Variants in SMU1 observed in about 807,000 individuals in gnomAD.
SMU1 encodes the protein WD40 repeat-containing protein SMU1.
SMU1 carries 2 observed loss-of-function variants against 62.0 expected under a neutral mutation model. The observed-to-expected ratio is 0.03, with a 90% CI of 0.01 to 0.10. SMU1 has a LOEUF of 0.10. Among genes scored for constraint, SMU1 ranks in the 10% least tolerant of loss-of-function variants. SMU1 has a pLI of 1.00. For synonymous variants in SMU1, 188 were observed against 212.4 expected (o/e 0.89, Z 1.00); for missense variants, 227 against 622.1 (o/e 0.36, Z 6.76).
Position 33,043,992 on chromosome 9 carries a change from T to TAAAA in SMU1, c.*3297_*3300dup, listed in dbSNP as rs141620295. The TAAAA allele has an allele frequency of 8.5e-6, 1 of 118,110 alleles. No individual in the cohort carries two copies. The highest frequency in any genetic ancestry group is 2.7e-4 in the East Asian group (1 of 3,682). The allele number at this position is 118,110 out of a possible 1,614,324, so 7.3% of individuals were successfully genotyped here. On this transcript the variant is annotated 3_prime_UTR_variant, in exon 12 of 12. Coordinates refer to ENST00000397149, the MANE Select transcript of SMU1 (RefSeq NM_018225.3). ...ACCTGAGATTTATACCATTTGCTGTTAAAAAAAAAAAAAAAAAAAAAGCCA... is the reference window on the plus strand; with the variant it reads ...ACCTGAGATTTATACCATTTGCTGTTAAAAAAAAAAAAAAAAAAAAAAAAAGCCA...
intron 10 of SMU1, among the ~76,000 whole-genome samples, chr9:33,049,323 G>T (rs986049391): frequency 1.3e-5 from 2 of 152,152 alleles, no homozygotes; most frequent in Non-Finnish European, 2.9e-5. Context: ...AGTAGCAAAA[G>T]CAATATAATA....
Position 33,046,841 on chromosome 9 carries a change from C to G in SMU1, c.*452G>C, listed in dbSNP as rs1428631170. 6.5e-6 allele frequency: 1 copy of G among 153,878 alleles called. No homozygotes were observed. Among genetic ancestry groups the G allele is most frequent in the Non-Finnish European group, 1.4e-5 (1 of 69,852 alleles). The allele number at this position is 153,878 out of a possible 1,614,324, so 9.5% of individuals were successfully genotyped here. ...CCTGGGAGGCGGAGGTTGCAGTGAA[C>G]CAAGATCGTGCCGCTGCACTCCAGC... On this transcript the variant is annotated 3_prime_UTR_variant, in exon 12 of 12. Coordinates refer to ENST00000397149, the MANE Select transcript of SMU1 (RefSeq NM_018225.3).
intron 3 of SMU1, 77 bp downstream of exon 3, chr9:33,071,663 T>TAAA (rs111931372): frequency 3.4e-5 from 39 of 1,159,970 alleles, no homozygotes; most frequent in Admixed American, 9.1e-5. Flanking sequence ...AATAAAATGG[T>TAAA]AAAAAAAAAA....
chr9:33,070,068 T>C (rs937440475), intron 3 of SMU1, among the ~76,000 whole-genome samples: 1 of 152,046 alleles, frequency 6.6e-6, no homozygotes, highest in African/African-American at 2.4e-5. Flanking sequence ...GAGGCTGCAG[T>C]GAGCCGAGAT....
rs1839166508 is a variant in SMU1, at chr9:33,044,859, C to T, written c.*2434G>A. The stretch of plus-strand genomic sequence containing the variant: ...CAGCACATACCTTGCCGCTGTGCCA[C>T]ACTGGAGTCCCCGGTTAGGTTCCCT... On this transcript the variant is annotated 3_prime_UTR_variant, in exon 12 of 12. Transcript: ENST00000397149. 2 of 152,296 alleles carry T rather than the reference C, an allele frequency of 1.3e-5. No homozygotes were observed. Among genetic ancestry groups the T allele is most frequent in the African/African-American group, 4.8e-5 (2 of 41,452 alleles). 9.4% of individuals were successfully genotyped at this position (152,296 alleles called of 1,614,324 possible). A position where few individuals can be genotyped will look rare whatever the true frequency, so the allele number is the denominator to read the frequency against.
intron 2 of SMU1, 83 bp downstream of exon 2, chr9:33,073,513 G>A: frequency 5.4e-6 from 5 of 925,076 alleles, no homozygotes; most frequent in Non-Finnish European, 3.4e-6. Flanking sequence ...CGTGCTTGAA[G>A]GAATGCTCAC....
At chr9:33,047,529 G>A in intron 11 of SMU1, 138 bp from the exon 12 acceptor site, 1 of 603,010 alleles carries the variant, frequency 1.7e-6, no homozygotes, top group Non-Finnish European at 2.9e-6. Flanking sequence ...AAAGATGGAG[G>A]AGGGTTTTCC....
intron 6 of SMU1, 85 bp from the exon 7 acceptor site, chr9:33,057,799 T>C: frequency 6.4e-7 from 1 of 1,566,798 alleles, no homozygotes; most frequent in Non-Finnish European, 8.7e-7. Context: ...CCAGGGGCAA[T>C]GGATTGTACC....
chr9:33,070,651 T>C lies in SMU1; in HGVS notation c.390+1089A>G, dbSNP rs1042401490. Among the ~76,000 whole-genome samples, 3 of 152,052 alleles carry C rather than the reference T, an allele frequency of 2.0e-5. No individual in the cohort carries two copies. In the East Asian group the frequency reaches 5.8e-4, roughly 29 times the overall value. The stretch of plus-strand genomic sequence containing the variant: ...CGATAAGTGACCATTAACAGATAAA[T>C]AAAGAAAATGAGGTACATGTACACA... On this transcript the variant is annotated intron_variant, in intron 3 of 11. Transcript: ENST00000397149.
rs1444370878 is a variant in SMU1, at chr9:33,044,823, A to G, written c.*2470T>C. 2 of 152,180 alleles carry G rather than the reference A, an allele frequency of 1.3e-5. No individual in the cohort carries two copies. The highest frequency in any genetic ancestry group is 2.4e-5 in the African/African-American group (1 of 41,420). The allele number at this position is 152,180 out of a possible 1,614,324, so 9.4% of individuals were successfully genotyped here. On this transcript the variant is annotated 3_prime_UTR_variant, in exon 12 of 12. Transcript: ENST00000397149. ...CTTTGCCTGGTCTCCCAAGACACCT[A>G]TCATTTTGCCCAGCACATACCTTGC...
chr9:33,062,878 G>C (rs921176194), intron 4 of SMU1, among the ~76,000 whole-genome samples: 2 of 152,128 alleles, frequency 1.3e-5, no homozygotes, highest in South Asian at 4.1e-4. Flanking sequence ...TGATATATTT[G>C]ATATATACTG....
intron 4 of SMU1, among the ~76,000 whole-genome samples, chr9:33,065,148 T>C (rs1254483367): frequency 6.6e-6 from 1 of 152,198 alleles, no homozygotes; most frequent in Non-Finnish European, 1.5e-5. Flanking sequence ...AACCTCTAGG[T>C]TAAGGTCCAG....
chr9:33,064,787 G>A (rs1216625126), intron 4 of SMU1, among the ~76,000 whole-genome samples: 2 of 151,156 alleles, frequency 1.3e-5, no homozygotes, highest in Non-Finnish European at 2.9e-5. Flanking sequence ...CTGTCACCCA[G>A]GCTGGAGTGC....
At chr9:33,056,786 G>A (rs755494517) in intron 8 of SMU1, 51 bp downstream of exon 8, 10 of 1,585,966 alleles carry the variant, frequency 6.3e-6, no homozygotes, top group African/African-American at 1.4e-5. Flanking sequence ...CTCCCTCCAT[G>A]GCCTCATTAT....
intron 8 of SMU1, among the ~76,000 whole-genome samples, chr9:33,056,451 G>A (rs1453914533): frequency 6.6e-6 from 1 of 152,180 alleles, no homozygotes; most frequent in Non-Finnish European, 1.5e-5. Context: ...AAATATGCCA[G>A]TAATACCACA....
chr9:33,067,994 T>C (rs768226456), intron 4 of SMU1, among the ~76,000 whole-genome samples: 1 of 152,344 alleles, frequency 6.6e-6, no homozygotes, highest in African/African-American at 2.4e-5. Context: ...ACACTATTAG[T>C]AATTTTTTAA....
rs1487013536 is a variant in SMU1, at chr9:33,045,168, T to A, written c.*2125A>T. On this transcript the variant is annotated 3_prime_UTR_variant, in exon 12 of 12. Transcript: ENST00000397149. The stretch of plus-strand genomic sequence containing the variant: ...ACGGTGATACAAACTATGCACATCA[T>A]AACTACCAGCTTCATGAGGTCAAGA... 6.6e-6 allele frequency: 1 copy of A among 152,186 alleles called. No individual in the cohort carries two copies. Among genetic ancestry groups the A allele is most frequent in the African/African-American group, 2.4e-5 (1 of 41,442 alleles). The allele number at this position is 152,186 out of a possible 1,614,324, so 9.4% of individuals were successfully genotyped here.
Position 33,073,770 on chromosome 9 carries a change from G to C in SMU1, c.63C>G (p.Asn21Lys). 6.2e-7 allele frequency: 1 copy of C among 1,614,194 alleles called. No individual in the cohort carries two copies. The highest frequency in any genetic ancestry group is 1.1e-5 in the South Asian group (1 of 91,084). ...AGGTGGCTAACGCCCGATGTAAACTGTTCTCCTTCAAGTACTGCATAATAA... is the reference window on the plus strand; with the variant it reads ...AGGTGGCTAACGCCCGATGTAAACTCTTCTCCTTCAAGTACTGCATAATAA... ...IRLIMQYLKE[N>K]SLHRALATLQ... The change falls in exon 2 of 12, where the codon AAC becomes AAG. Residue 21 changes from asparagine to lysine, a missense_variant. Asn to Lys is a moderately conservative substitution (Grantham distance 94, BLOSUM62 0). Around this residue, in one of 5 missense-constraint regions of SMU1, gnomAD observed 99 missense variants for 270.3 expected, o/e 0.37. Transcript: ENST00000397149.
intron 4 of SMU1, among the ~76,000 whole-genome samples, chr9:33,068,003 A>T (rs1397244141): frequency 6.6e-6 from 1 of 152,184 alleles, no homozygotes; most frequent in Non-Finnish European, 1.5e-5. Context: ...GTAATTTTTT[A>T]AAAAATCATC....
Sources: gnomAD v4.1 joint callset for allele counts (sites outside exome capture counted in the v4.1 genomes callset) on GRCh38, gnomAD v4.1.1 for gene constraint, gnomAD v4.1.1 regional missense constraint, MANE v1.5 for transcripts, NCBI Gene and HGNC (gene_info 2026-07-23, HGNC 2026-07-21) for gene names.